FRMD6: variants seen among roughly 807,000 people sequenced by gnomAD.
The protein encoded by FRMD6 is FERM domain containing 6.
A neutral mutation model predicts 73.2 loss-of-function variants in FRMD6; 37 were observed. That is an observed-to-expected ratio of 0.51 (90% CI 0.39 to 0.66). FRMD6 has a LOEUF of 0.66. Ranked by LOEUF, FRMD6 falls within the 30% of genes least tolerant of loss-of-function variation. The pLI, the probability that FRMD6 is intolerant of heterozygous loss-of-function variation, is 0.00. For synonymous variants in FRMD6, 273 were observed against 282.2 expected, an observed-to-expected ratio of 0.97 and a Z score of 0.33; for missense variants, 714 against 780.5, an observed-to-expected ratio of 0.91 and a Z score of 1.02.
At chr14:51,595,856 A>G (rs1042267022) in intron 2 of FRMD6, among the ~76,000 whole-genome samples, 2 of 152,192 alleles carry the variant, frequency 1.3e-5, no homozygotes, top group African/African-American at 4.8e-5. Context: ...ACTATTGTCG[A>G]TAATTAATTA....
chr14:51,561,470 G>C (rs1887476270), intron 1 of FRMD6, among the ~76,000 whole-genome samples: 1 of 152,194 alleles, frequency 6.6e-6, no homozygotes, highest in African/African-American at 2.4e-5. Context: ...AGTGCTCAGG[G>C]AGCAGCCGGG....
At chr14:51,436,604 C>A in the FRMD6 span, 1 of 574,496 alleles carries the variant, frequency 1.7e-6, no homozygotes, top group Non-Finnish European at 3.1e-6. Context: ...AGAATAAAGC[C>A]AGCAGGAAGA....
intron 10 of FRMD6, among the ~76,000 whole-genome samples, chr14:51,716,994 C>T (rs1294156941): frequency 6.6e-6 from 1 of 152,136 alleles, no homozygotes; most frequent in East Asian, 1.9e-4. Context: ...CATTTTAGTA[C>T]ATTTTTTTTG....
At chr14:51,621,977 G>A (rs1468758076) in intron 2 of FRMD6, among the ~76,000 whole-genome samples, 1 of 152,208 alleles carries the variant, frequency 6.6e-6, no homozygotes, top group Non-Finnish European at 1.5e-5. Context: ...ATGTAGACAA[G>A]AGCAACAGGC....
At chr14:51,708,634 G>A (rs574403790) in intron 7 of FRMD6, among the ~76,000 whole-genome samples, 9 of 152,094 alleles carry the variant, frequency 5.9e-5, no homozygotes, top group African/African-American at 9.6e-5. Context: ...CGTTGTATCC[G>A]TCAGTTACAA....
intron 2 of FRMD6, among the ~76,000 whole-genome samples, chr14:51,611,639 G>A (rs867451474): frequency 6.6e-6 from 1 of 152,188 alleles, no homozygotes; most frequent in Non-Finnish European, 1.5e-5. Context: ...CTAGGGTAGG[G>A]CCCAAGAATC....
chr14:51,587,803 A>T lies in FRMD6; in HGVS notation c.-147+17393A>T, dbSNP rs1889141269. Among the ~76,000 whole-genome samples, 5 of 152,210 alleles carry T rather than the reference A, an allele frequency of 3.3e-5. No homozygotes were observed. The South Asian group carries it at 1.0e-3, about 32-fold the overall frequency. On this transcript the variant is annotated intron_variant, in intron 2 of 14. Transcript: ENST00000356218. Reference sequence around the variant, plus strand: ...TAAGTATAAAATTAAAATATGAAGAAGAAACAAGTGGTCCCTGTCCATGAA... The same window carrying T: ...TAAGTATAAAATTAAAATATGAAGATGAAACAAGTGGTCCCTGTCCATGAA...
At chr14:51,557,076 T>C (rs1426136932) in intron 1 of FRMD6, among the ~76,000 whole-genome samples, 1 of 151,918 alleles carries the variant, frequency 6.6e-6, no homozygotes, top group Non-Finnish European at 1.5e-5. Flanking sequence ...GCTTGAGCCC[T>C]AGAATGTGAG....
chr14:51,442,201 A>C, the FRMD6 span, among the ~76,000 whole-genome samples: 5 of 152,200 alleles, frequency 3.3e-5, no homozygotes, highest in Non-Finnish European at 7.3e-5. Flanking sequence ...GAAAGTGCTC[A>C]GTGGTTTTGA....
rs143768099 is a variant in FRMD6 at position 51,586,564 on chromosome 14, A to C, written c.-147+16154A>C. Among the ~76,000 whole-genome samples the C allele has an allele frequency of 2.0e-5, 3 of 152,186 alleles. No individual in the cohort carries two copies. In the East Asian group the frequency reaches 5.8e-4, roughly 29 times the overall value. ...TGATTGTTTCTTTTTGCTGTGCAGAAGCCTTTTAATTTAATTAACTCTCAT... is the reference window on the plus strand; with the variant it reads ...TGATTGTTTCTTTTTGCTGTGCAGACGCCTTTTAATTTAATTAACTCTCAT... On this transcript the variant is annotated intron_variant, in intron 2 of 14. Coordinates refer to the FRMD6 transcript ENST00000356218.
chr14:51,442,498 T>G, the FRMD6 span, among the ~76,000 whole-genome samples: 42 of 152,334 alleles, frequency 2.8e-4, 1 homozygote, highest in African/African-American at 9.6e-4. Context: ...TAAATGGCCT[T>G]GTGAGTTTTC....
At chr14:51,558,501 G>A (rs1432414577) in intron 1 of FRMD6, among the ~76,000 whole-genome samples, 3 of 150,904 alleles carry the variant, frequency 2.0e-5, no homozygotes, top group Admixed American at 6.6e-5. Context: ...AAAACTAAAT[G>A]AGCAAATGAA....
chr14:51,464,899 C>T, the FRMD6 span, among the ~76,000 whole-genome samples: 1 of 152,114 alleles, frequency 6.6e-6, no homozygotes, highest in Non-Finnish European at 1.5e-5. Context: ...AAATTGCATG[C>T]AGAAACTGAA....
chr14:51,440,609 G>C, the FRMD6 span, among the ~76,000 whole-genome samples: 1 of 152,162 alleles, frequency 6.6e-6, no homozygotes. Flanking sequence ...TTCTGCTAAA[G>C]GTGTTTGTGA....
chr14:51,563,669 CAAAAA>C (rs778650578), intron 1 of FRMD6, among the ~76,000 whole-genome samples: 1 of 148,450 alleles, frequency 6.7e-6, no homozygotes, highest in Admixed American at 6.7e-5. Flanking sequence ...GATTCAGTCT[CAAAAA>C]AAAAGAATGA....
chr14:51,669,852 A>C (rs1893870224), intron 1 of FRMD6, among the ~76,000 whole-genome samples: 1 of 152,044 alleles, frequency 6.6e-6, no homozygotes, highest in Non-Finnish European at 1.5e-5. Context: ...TTAAAAAGCA[A>C]AATTTTTGTG....
chr14:51,698,972 C>T (rs752323486), intron 3 of FRMD6, among the ~76,000 whole-genome samples: 28 of 151,782 alleles, frequency 1.8e-4, no homozygotes, highest in African/African-American at 6.3e-4. Context: ...TTTTTTGGTG[C>T]GGTGTATTTA....
At position 51,721,949 on chromosome 14, in the gene FRMD6, A is replaced by C; in HGVS notation, c.1361A>C (p.Glu454Ala). 1 of 1,614,074 alleles carries C rather than the reference A, an allele frequency of 6.2e-7. No individual in the cohort carries two copies. Among genetic ancestry groups the C allele is most frequent in the Non-Finnish European group, 8.5e-7 (1 of 1,179,988 alleles). ...CTATCTTTTCCTTCTTCTGTGTCAG[A>C]AATAGAGATGTTGGTTGATGACCCC... ...DRLEEDLQDD[E>A]IEMLVDDPRD... The change falls in exon 12 of 14, where the codon GAA (glutamate) becomes GCA (alanine). Residue 454 changes from glutamate (E) to alanine (A), a missense_variant and splice_region_variant. Coordinates refer to ENST00000344768, the MANE Select transcript of FRMD6 (RefSeq NM_001267046.2).
chr14:51,440,267 C>G, the FRMD6 span, among the ~76,000 whole-genome samples: 20 of 152,290 alleles, frequency 1.3e-4, no homozygotes, highest in Non-Finnish European at 5.9e-5. Flanking sequence ...GTTAAAAATA[C>G]AGAGAAATTT....
Sources: allele counts gnomAD v4.1 joint callset (sites outside exome capture counted in the v4.1 genomes callset), GRCh38; gene constraint gnomAD v4.1.1; transcripts MANE v1.5; gene names NCBI Gene and HGNC (gene_info 2026-07-23, HGNC 2026-07-21).